DPP8: variants seen among roughly 807,000 people sequenced by gnomAD.
DPP8 encodes the protein dipeptidyl peptidase 8, also known as DPP VIII.
DPP8 carries 31 observed loss-of-function variants against 107.5 expected under a neutral mutation model. The observed-to-expected ratio is 0.29, with a 90% CI of 0.22 to 0.39. The LOEUF (loss-of-function observed/expected upper bound fraction) is 0.39. DPP8 is among the 10% of genes least tolerant of loss of function. The probability of loss-of-function intolerance (pLI) is 1.00; values close to 1 mark genes in which losing one functional copy is unlikely to be tolerated. For missense variants in DPP8, 842 were observed against 1,076.1 expected (o/e 0.78, Z 3.04); for synonymous variants, 381 against 356.6 (o/e 1.07, Z -0.77).
intron 6 of DPP8, among the ~76,000 whole-genome samples, chr15:65,489,487 C>A (rs1011327973): frequency 7.5e-6 from 1 of 132,788 alleles, no homozygotes; most frequent in Non-Finnish European, 1.5e-5. Flanking sequence ...GATCTTGGCT[C>A]ATTGCAAGCT....
chr15:65,496,508 C>T (rs2068614753), intron 5 of DPP8, among the ~76,000 whole-genome samples: 1 of 152,232 alleles, frequency 6.6e-6, no homozygotes, highest in Admixed American at 6.5e-5. Context: ...AAACCATTCA[C>T]ATCTCTCTGT....
chr15:65,498,987 G>A (rs1171839233), intron 4 of DPP8, among the ~76,000 whole-genome samples: 1 of 151,716 alleles, frequency 6.6e-6, no homozygotes, highest in African/African-American at 2.4e-5. Flanking sequence ...GAGCCCAGGA[G>A]TTTGAGGCTG....
rs2063524987 is a variant in DPP8, at chr15:65,446,971, A to G, written c.2562T>C (p.Pro854=). 1 of 1,612,008 alleles carries G rather than the reference A, an allele frequency of 6.2e-7. No homozygotes were observed. The highest frequency in any genetic ancestry group is 1.7e-5 in the Admixed American group (1 of 59,898). ...GCAGTTCATAATGTTCTCCCGATTCAGGAACTCTTATGCTGTGTCTCTCCT... is the reference window on the plus strand; with the variant it reads ...GCAGTTCATAATGTTCTCCCGATTCGGGAACTCTTATGCTGTGTCTCTCCT... ...YPQERHSIRV[P]ESGEHYELHL... is the part of the protein sequence containing the mutation. The change falls in exon 20 of 20, where the codon CCT becomes CCC. Residue 854 remains proline (P), a synonymous_variant. Coordinates refer to ENST00000300141, the MANE Select transcript of DPP8 (RefSeq NM_130434.5).
At chr15:65,456,638 C>G (rs960754103) in intron 15 of DPP8, among the ~76,000 whole-genome samples, 1 of 152,080 alleles carries the variant, frequency 6.6e-6, no homozygotes, top group African/African-American at 2.4e-5. Flanking sequence ...TCAACCCACC[C>G]CATATAAAAA....
chr15:65,475,577 C>T, intron 11 of DPP8: 4 of 1,191,898 alleles, frequency 3.4e-6, no homozygotes, highest in African/African-American at 1.5e-5. Flanking sequence ...ACTGGCTTGA[C>T]TCCCTGGCAC....
intron 1 of DPP8, among the ~76,000 whole-genome samples, chr15:65,515,329 G>C (rs1016274499): frequency 5.2e-4 from 79 of 152,068 alleles, no homozygotes; most frequent in African/African-American, 1.9e-3. Flanking sequence ...CTAAGCCCTG[G>C]ACACTCTATG....
rs1242298041 is a variant in DPP8, at chr15:65,451,087, T to C, written c.2438A>G (p.His813Arg). The change falls in exon 19 of 20, where the codon CAT (histidine) becomes CGT (arginine). Residue 813 changes from histidine to arginine, a missense_variant. Coordinates refer to ENST00000300141, the MANE Select transcript of DPP8 (RefSeq NM_130434.5). ...ATGGACATTCTCATCCAGGAAACCA[T>C]GTAAGAGCAGTAAACGATTTGGTCT... ...PSEPNRLLLLHGFLDENVHFA... is the reference protein window; with the variant it reads ...PSEPNRLLLLRGFLDENVHFA... The C allele has an allele frequency of 6.2e-7, 1 of 1,612,164 alleles. No individual in the cohort carries two copies. The highest frequency in any genetic ancestry group is 1.3e-5 in the African/African-American group (1 of 74,890).
chr15:65,467,083 G>A lies in DPP8; in HGVS notation c.1677C>T (p.Cys559=). The part of the protein sequence containing the change: ...RLTDRGYSHS[C]CISQHCDFFI... ...ACAAACTTAATACCTGACTGATGCAGCAAGAATGTGAGTAGCCACGGTCAG... is the reference window on the plus strand; with the variant it reads ...ACAAACTTAATACCTGACTGATGCAACAAGAATGTGAGTAGCCACGGTCAG... Residue 559 remains cysteine (C), a synonymous_variant, in exon 13 of 20, where the codon TGC becomes TGT. Coordinates refer to ENST00000300141, the MANE Select transcript of DPP8 (RefSeq NM_130434.5). The A allele has an allele frequency of 6.2e-7, 1 of 1,614,118 alleles. No homozygotes were observed. Among genetic ancestry groups the A allele is most frequent in the Non-Finnish European group, 8.5e-7 (1 of 1,180,010 alleles).
At chr15:65,467,262 T>G in intron 12 of DPP8, 39 bp from the exon 13 acceptor site, 2 of 1,606,344 alleles carry the variant, frequency 1.2e-6, no homozygotes, top group Non-Finnish European at 1.7e-6. Context: ...AGGGCTAACA[T>G]GACCTTGGCA....
At position 65,446,759 on chromosome 15, in the gene DPP8, T is replaced by C. The variant is rs552695472; in HGVS notation, c.*125A>G. The C allele has an allele frequency of 1.2e-4, 121 of 985,760 alleles. 1 individual carries two copies. In the South Asian group the frequency reaches 2.2e-3, roughly 18 times the overall value. The allele number at this position is 985,760 out of a possible 1,614,324, so 61.1% of individuals were successfully genotyped here. On this transcript the variant is annotated 3_prime_UTR_variant, in exon 20 of 20. Transcript: ENST00000300141. ...ACCCCTGCATGGCACCACATTTATT[T>C]TCAGGAGTAGATGTTACATGGCAGG...
intron 15 of DPP8, among the ~76,000 whole-genome samples, chr15:65,460,923 A>G (rs912988632): frequency 6.6e-6 from 1 of 152,208 alleles, no homozygotes; most frequent in South Asian, 2.1e-4. Context: ...CACAGCAGCT[A>G]TAACATTTTA....
chr15:65,452,075 G>GC lies in DPP8; in HGVS notation c.2298_2299insG (p.Leu767AlafsTer6), dbSNP rs2064020252. ...TATCCTGTATCATAGAAGATCCACA[G>GC]AGTGACTGGGGCCCCAGCAATAGCA... On this transcript the variant is annotated frameshift_variant, in exon 18 of 20. Transcript: ENST00000300141. LOFTEE classifies it high-confidence loss of function. The GC allele has an allele frequency of 6.2e-7, 1 of 1,608,530 alleles. No individual in the cohort carries two copies. The highest frequency in any genetic ancestry group is 8.5e-7 in the Non-Finnish European group (1 of 1,178,068).
chr15:65,469,217 C>T (rs1439142489), intron 12 of DPP8, among the ~76,000 whole-genome samples: 5 of 151,588 alleles, frequency 3.3e-5, no homozygotes, highest in South Asian at 2.1e-4. Flanking sequence ...TCAGATGATC[C>T]GCCTGCCTCG....
At position 65,505,216 on chromosome 15, in the gene DPP8, A is replaced by G. The variant is rs549364701; in HGVS notation, c.372+2027T>C. On this transcript the variant is annotated intron_variant, in intron 3 of 19. Transcript: ENST00000300141. ...TAAAAATGCAAAAAATTAGCTGGGC[A>G]TGGTGGTGGGAGCCTGTAGTCCCAG... Among the ~76,000 whole-genome samples, 5 of 151,978 alleles carry G rather than the reference A, an allele frequency of 3.3e-5. No homozygotes were observed. In the East Asian group the frequency reaches 5.8e-4, roughly 18 times the overall value.
rs1184258947 is a variant in DPP8 at position 65,452,252 on chromosome 15, C to T, written c.2272-150G>A. 59 of 781,964 alleles carry T rather than the reference C, an allele frequency of 7.5e-5. No homozygotes were observed. The East Asian group carries it at 1.5e-3, about 21-fold the overall frequency. The allele number at this position is 781,964 out of a possible 1,614,324, so 48.4% of individuals were successfully genotyped here. ...TACATGTCTTAGGCAACTCAGAATA[C>T]GAAGTGAAGCGCTAAGGTCAAGAAT... On this transcript the variant is annotated intron_variant, in intron 17 of 19. Transcript: ENST00000300141.
At chr15:65,457,281 A>G (rs1341208845) in intron 15 of DPP8, among the ~76,000 whole-genome samples, 1 of 152,132 alleles carries the variant, frequency 6.6e-6, no homozygotes, top group East Asian at 1.9e-4. Flanking sequence ...TTGAACCCAG[A>G]AGGCAGAGAG....
intron 19 of DPP8, among the ~76,000 whole-genome samples, chr15:65,450,312 A>G (rs982814090): frequency 6.6e-6 from 1 of 152,142 alleles, no homozygotes; most frequent in African/African-American, 2.4e-5. Flanking sequence ...CTCAGTTTTC[A>G]TATCTTACAT....
At chr15:65,512,632 G>A in intron 1 of DPP8, 68 bp from the exon 2 acceptor site, 1 of 1,548,162 alleles carries the variant, frequency 6.5e-7, no homozygotes. Flanking sequence ...TTCTCTGAGA[G>A]GGTCAAAAAA....
chr15:65,453,735 A>C (rs1237381812), intron 17 of DPP8, among the ~76,000 whole-genome samples: 1 of 151,964 alleles, frequency 6.6e-6, no homozygotes, highest in Non-Finnish European at 1.5e-5. Flanking sequence ...ACAAAACAGA[A>C]CAACAACAAA....
Sources: allele counts gnomAD v4.1 joint callset (sites outside exome capture counted in the v4.1 genomes callset), GRCh38; gene constraint gnomAD v4.1.1; transcripts MANE v1.5; gene names NCBI Gene and HGNC (gene_info 2026-07-23, HGNC 2026-07-21).